The following PDE4B variants were observed in gnomAD, a reference collection of about 807,000 sequenced individuals.
PDE4B encodes 3',5'-cyclic-AMP phosphodiesterase 4B.
In PDE4B, 20 loss-of-function variants were observed where a neutral mutation model predicts 82.2. The observed-to-expected ratio is 0.24, with a 90% confidence interval of 0.17 to 0.35. The LOEUF (loss-of-function observed/expected upper bound fraction) is 0.35, where lower values mean the gene tolerates loss of function less well. PDE4B is among the 10% of genes least tolerant of loss of function. The pLI is 1.00. For missense variants in PDE4B, 655 were observed against 907.2 expected, an observed-to-expected ratio of 0.72 and a Z score of 3.57; for synonymous variants, 320 against 318.9, an observed-to-expected ratio of 1.00 and a Z score of -0.04.
intron 3 of PDE4B, among the ~76,000 whole-genome samples, chr1:66,102,251 G>A (rs557201869): frequency 2.0e-4 from 30 of 152,096 alleles, no homozygotes; most frequent in African/African-American, 6.7e-4. Context: ...TTAAGAAGAA[G>A]ATTTCTGCAT....
chr1:65,927,508 A>T (rs1057134079), intron 3 of PDE4B, among the ~76,000 whole-genome samples: 12 of 147,646 alleles, frequency 8.1e-5, no homozygotes, highest in Non-Finnish European at 1.5e-5. Flanking sequence ...TATATATAAT[A>T]TATGTAAATA....
At chr1:66,134,929 G>A (rs191952169) in intron 3 of PDE4B, among the ~76,000 whole-genome samples, 28 of 152,326 alleles carry the variant, frequency 1.8e-4, no homozygotes, top group African/African-American at 6.7e-4. Flanking sequence ...TATCTGTAGG[G>A]ATAGAACTAT....
At chr1:66,201,246 G>A (rs994601491) in intron 3 of PDE4B, among the ~76,000 whole-genome samples, 1 of 152,178 alleles carries the variant, frequency 6.6e-6, no homozygotes, top group Non-Finnish European at 1.5e-5. Context: ...GATTCGGTTT[G>A]CCAGTATTTT....
intron 3 of PDE4B, among the ~76,000 whole-genome samples, chr1:66,101,746 G>A (rs893644440): frequency 1.3e-5 from 2 of 152,104 alleles, no homozygotes; most frequent in African/African-American, 2.4e-5. Context: ...TTTGTCAGAT[G>A]AGTAGATTGC....
chr1:66,209,835 C>T (rs1321342735), intron 3 of PDE4B, among the ~76,000 whole-genome samples: 1 of 152,190 alleles, frequency 6.6e-6, no homozygotes, highest in Non-Finnish European at 1.5e-5. Flanking sequence ...GAGATTCATA[C>T]ATGTTGTTGC....
chr1:66,203,353 T>A (rs1649198238), intron 3 of PDE4B, among the ~76,000 whole-genome samples: 1 of 152,146 alleles, frequency 6.6e-6, no homozygotes. Flanking sequence ...GAGGAGTATC[T>A]TTGTGGCATT....
At position 66,155,831 on chromosome 1, in the gene PDE4B, A is replaced by G. The variant is rs550126698; in HGVS notation, c.282-91629A>G. Among the ~76,000 whole-genome samples, 107 of 152,286 alleles carry G rather than the reference A, an allele frequency of 7.0e-4. 1 individual carries two copies. Among genetic ancestry groups the G allele is most frequent in the African/African-American group, 2.5e-3 (102 of 41,572 alleles). On this transcript the variant is annotated intron_variant, in intron 3 of 16. Coordinates refer to ENST00000341517, the MANE Select transcript of PDE4B (RefSeq NM_002600.4). The stretch of plus-strand genomic sequence containing the variant: ...TCCAACACATGAATCAAACCATGAT[A>G]TTCCCTGCTTAAAATCATTACTGAC...
intron 1 of PDE4B, among the ~76,000 whole-genome samples, chr1:65,877,307 A>G (rs1320587195): frequency 6.6e-6 from 1 of 152,150 alleles, no homozygotes; most frequent in Non-Finnish European, 1.5e-5. Context: ...TGAGGAAATG[A>G]TTCTCTATTT....
At chr1:65,972,261 C>T (rs745329374) in intron 3 of PDE4B, among the ~76,000 whole-genome samples, 3 of 152,172 alleles carry the variant, frequency 2.0e-5, no homozygotes, top group Non-Finnish European at 4.4e-5. Flanking sequence ...TTTAGACACT[C>T]AGTCCCCCAA....
At chr1:66,173,289 C>T (rs1646872835) in intron 3 of PDE4B, among the ~76,000 whole-genome samples, 1 of 152,132 alleles carries the variant, frequency 6.6e-6, no homozygotes, top group South Asian at 2.1e-4. Context: ...TGGATAAGCC[C>T]TCAAGAGAAC....
rs760276042 is a variant in PDE4B, at chr1:66,355,651, A to G, written c.841+31A>G. ...ATATTAACTGGGAAAAACCTGTTTT[A>G]TAACTGGGGTTTTCAGAATTAATTT... On this transcript the variant is annotated intron_variant, in intron 9 of 16. Transcript: ENST00000341517. The G allele has an allele frequency of 3.6e-5, 47 of 1,306,442 alleles. 1 individual carries two copies. In the South Asian group the frequency reaches 4.5e-4, roughly 12 times the overall value. 80.9% of individuals were successfully genotyped at this position (1,306,442 alleles called of 1,614,324 possible).
chr1:65,818,705 A>ATATAT (rs1166597055), intron 1 of PDE4B, among the ~76,000 whole-genome samples: 1 of 93,654 alleles, frequency 1.1e-5, no homozygotes, highest in Non-Finnish European at 2.4e-5. Context: ...TATATATATA[A>ATATAT]AATAACAAAA....
At chr1:66,244,792 G>A (rs189589092) in intron 3 of PDE4B, among the ~76,000 whole-genome samples, 1 of 152,154 alleles carries the variant, frequency 6.6e-6, no homozygotes, top group Non-Finnish European at 1.5e-5. Flanking sequence ...AGTTTAAGTA[G>A]GGTAAGAAGG....
intron 3 of PDE4B, among the ~76,000 whole-genome samples, chr1:66,188,949 G>A (rs191102857): frequency 1.1e-4 from 16 of 152,230 alleles, no homozygotes; most frequent in African/African-American, 2.6e-4. Flanking sequence ...TTACAATTTG[G>A]CATGTCTTTG....
intron 3 of PDE4B, among the ~76,000 whole-genome samples, chr1:66,239,256 A>G (rs1408079300): frequency 6.6e-6 from 1 of 152,224 alleles, no homozygotes; most frequent in Non-Finnish European, 1.5e-5. Context: ...TTGAGCGAGT[A>G]GAATATTTTG....
At chr1:65,829,270 C>A (rs1557767962) in intron 1 of PDE4B, among the ~76,000 whole-genome samples, 1 of 152,074 alleles carries the variant, frequency 6.6e-6, no homozygotes, top group African/African-American at 2.4e-5. Context: ...AAGATATAAT[C>A]CTGAATGTGT....
intron 3 of PDE4B, among the ~76,000 whole-genome samples, chr1:65,960,936 C>T (rs4335349): frequency 0.98 from 149,272 of 152,238 alleles, 73,242 homozygotes; most frequent in Middle Eastern, 1. Flanking sequence ...ATCAACTTAG[C>T]TCAAATCAAT....
At chr1:65,816,190 AGTGTGTGTGTGTGTGT>A (rs139330007) in intron 1 of PDE4B, among the ~76,000 whole-genome samples, 301 of 132,884 alleles carry the variant, frequency 2.3e-3, no homozygotes, top group African/African-American at 7.4e-3. Flanking sequence ...TTATTAATGC[AGTGTGTGTGTGTGTGT>A]GTGTGTGTGT....
At chr1:66,009,835 A>G (rs1398634656) in intron 3 of PDE4B, among the ~76,000 whole-genome samples, 1 of 152,030 alleles carries the variant, frequency 6.6e-6, no homozygotes, top group African/African-American at 2.4e-5. Flanking sequence ...ATAGCACCTG[A>G]TGTATATATC....
Sources: gnomAD v4.1 joint callset for allele counts (sites outside exome capture counted in the v4.1 genomes callset) on GRCh38, gnomAD v4.1.1 for gene constraint, MANE v1.5 for transcripts, NCBI Gene and HGNC (gene_info 2026-07-23, HGNC 2026-07-21) for gene names.